C3AR1: variants seen among roughly 807,000 people sequenced by gnomAD.
The protein encoded by C3AR1 is complement C3a receptor 1.
For synonymous variants in C3AR1, 208 were observed against 225.3 expected (o/e 0.92, Z 0.69); for missense variants, 579 against 583.5 (o/e 0.99, Z 0.08).
At chr12:8,062,232 A>G (rs1051572972) in intron 1 of C3AR1, among the ~76,000 whole-genome samples, 1 of 152,260 alleles carries the variant, frequency 6.6e-6, no homozygotes, top group African/African-American at 2.4e-5. Context: ...GCATCAATGA[A>G]CATGGGTGTA....
chr12:8,065,877 T>C (rs1242272270), intron 1 of C3AR1, among the ~76,000 whole-genome samples: 1 of 151,420 alleles, frequency 6.6e-6, no homozygotes, highest in Non-Finnish European at 1.5e-5. Context: ...AATCAAATTG[T>C]AGTAATAGGA....
Position 8,059,874 on chromosome 12 carries a change from G to A in C3AR1, c.312C>T (p.Leu104=), listed in dbSNP as rs1205192177. Residue 104 remains leucine, a synonymous_variant, in exon 2 of 2, where the codon CTC becomes CTT. Coordinates refer to ENST00000307637, the MANE Select transcript of C3AR1 (RefSeq NM_004054.4). ...GCAGGAAGACACTGGCAAACATGTTGAGGACAATGATGGAGGGGATGAGCT... is the reference window on the plus strand; with the variant it reads ...GCAGGAAGACACTGGCAAACATGTTAAGGACAATGATGGAGGGGATGAGCT... ...LCKLIPSIIV[L]NMFASVFLLT... 3.7e-6 allele frequency: 6 copies of A among 1,614,064 alleles called. No homozygotes were observed. The African/African-American group carries it at 6.7e-5, about 18-fold the overall frequency.
intron 1 of C3AR1, 33 bp downstream of exon 1, chr12:8,066,245 C>A (rs1395981577): frequency 6.6e-6 from 1 of 152,116 alleles, no homozygotes; most frequent in African/African-American, 2.4e-5. Flanking sequence ...ACAGGCTAAG[C>A]ACAAGTCATC....
chr12:8,063,326 A>G (rs759061068), intron 1 of C3AR1, among the ~76,000 whole-genome samples: 30 of 152,190 alleles, frequency 2.0e-4, no homozygotes, highest in African/African-American at 7.2e-4. Context: ...ACTTCTAAAA[A>G]CCAAATCCAA....
rs1491186906 is a variant in C3AR1 at position 8,065,169 on chromosome 12, TTA to T, written c.-11+1107_-11+1108del. 4.1e-3 allele frequency among the ~76,000 whole-genome samples: 533 copies of T among 131,516 alleles called. 2 individuals are homozygous for T. Among genetic ancestry groups the T allele is most frequent in the African/African-American group, 0.014 (494 of 35,778 alleles). The allele number at this position is 131,516 out of a possible 152,430, so 86.3% of individuals were successfully genotyped here. A position where few individuals can be genotyped will look rare whatever the true frequency, so the allele number is the denominator to read the frequency against. ...CTACCAAAAAAAAAAAAAAATCACA[TTA>T]AAAAAAAAAAGATATATGGTATTGC... On this transcript the variant is annotated intron_variant, in intron 1 of 1. Transcript: ENST00000307637.
chr12:8,059,617 T>A lies in C3AR1; in HGVS notation c.569A>T (p.Asp190Val). Residue 190 changes from aspartate to valine, a missense_variant, in exon 2 of 2, where the codon GAT becomes GTT. Coordinates refer to ENST00000307637, the MANE Select transcript of C3AR1 (RefSeq NM_004054.4). ...SSLDYPDFYG[D>V]PLENRSLENI... ...TTCAAGAGACCTGTTTTCTAGTGGA[T>A]CTCCATAAAAGTCTGGATAATCTAA... 4 of 1,614,090 alleles carry A rather than the reference T, an allele frequency of 2.5e-6. No homozygotes were observed. Among genetic ancestry groups the A allele is most frequent in the Non-Finnish European group, 3.4e-6 (4 of 1,180,008 alleles).
chr12:8,064,207 T>C, intron 1 of C3AR1, among the ~76,000 whole-genome samples: 1 of 152,242 alleles, frequency 6.6e-6, no homozygotes, highest in East Asian at 1.9e-4. Flanking sequence ...TCTTCCTTAA[T>C]TCCCATGCTG....
rs1159535543 is a variant in C3AR1 at position 8,056,894 on chromosome 12, T to C, written c.*1843A>G. Among the ~76,000 whole-genome samples the C allele has an allele frequency of 6.6e-6, 1 of 152,242 alleles. No individual in the cohort carries two copies. The highest frequency in any genetic ancestry group is 1.5e-5 in the Non-Finnish European group (1 of 68,046). On this transcript the variant is annotated 3_prime_UTR_variant, in exon 2 of 2. Transcript: ENST00000307637. ...GACCCATGAGAAAAAAAGCATTTAT[T>C]CATATCAAATATATAAGCAAATTAA...
rs1165844398 is a variant in C3AR1 at position 8,056,887 on chromosome 12, CATTT to C, written c.*1846_*1849del. Among the ~76,000 whole-genome samples, 11 of 152,150 alleles carry C rather than the reference CATTT, an allele frequency of 7.2e-5. No homozygotes were observed. The highest frequency in any genetic ancestry group is 7.2e-4 in the Admixed American group (11 of 15,266). ...TCGCAAGGACCCATGAGAAAAAAAGCATTTATTCATATCAAATATATAAGCAAAT... is the reference window on the plus strand; with the variant it reads ...TCGCAAGGACCCATGAGAAAAAAAGCATTCATATCAAATATATAAGCAAAT... On this transcript the variant is annotated 3_prime_UTR_variant, in exon 2 of 2. Transcript: ENST00000307637.
At position 8,058,660 on chromosome 12, in the gene C3AR1, C is replaced by T. The variant is rs2230318; in HGVS notation, c.*77G>A. 0.013 allele frequency: 18,773 copies of T among 1,473,644 alleles called. 868 individuals are homozygous for T. Among genetic ancestry groups the T allele is most frequent in the African/African-American group, 0.1 (7,107 of 71,004 alleles). The allele number at this position is 1,473,644 out of a possible 1,614,324, so 91.3% of individuals were successfully genotyped here. On this transcript the variant is annotated 3_prime_UTR_variant, in exon 2 of 2. Coordinates refer to ENST00000307637, the MANE Select transcript of C3AR1 (RefSeq NM_004054.4). ...GACAGTTTTTGAAGTCCGCTGCTCACCATATCACTTCATCCTCTTATAAAC... is the reference window on the plus strand; with the variant it reads ...GACAGTTTTTGAAGTCCGCTGCTCATCATATCACTTCATCCTCTTATAAAC...
rs556397063 is a variant in C3AR1 at position 8,060,252 on chromosome 12, A to G, written c.-10-57T>C. The stretch of plus-strand genomic sequence containing the variant: ...ACAGTATCTTTTTGAAAATGCATAC[A>G]TATTCTTAGGATTCTAATCTTCCCA... On this transcript the variant is annotated intron_variant, in intron 1 of 1. Transcript: ENST00000307637. The G allele has an allele frequency of 7.3e-4, 955 of 1,316,014 alleles. 2 individuals carry two copies. Among genetic ancestry groups the G allele is most frequent in the Non-Finnish European group, 6.8e-4 (640 of 945,618 alleles). 81.5% of individuals were successfully genotyped at this position (1,316,014 alleles called of 1,614,324 possible).
rs766597117 is a variant in C3AR1, at chr12:8,060,071, G to T, written c.115C>A (p.Pro39Thr). ...ACCCACAGCACCAGCCCATTGCCTGGCAATCCCAGTAAAAAAGTAAGGCTG... is the reference window on the plus strand; with the variant it reads ...ACCCACAGCACCAGCCCATTGCCTGTCAATCCCAGTAAAAAAGTAAGGCTG... ...ILSLTFLLGL[P>T]GNGLVLWVAG... The change falls in exon 2 of 2, where the codon CCA (proline) becomes ACA (threonine). Residue 39 changes from proline to threonine, a missense_variant. Physicochemically the swap from Pro to Thr is conservative, Grantham distance 38 (BLOSUM62 -1). Transcript: ENST00000307637. 61 of 1,614,012 alleles carry T rather than the reference G, an allele frequency of 3.8e-5. 1 individual carries two copies. The South Asian group carries it at 4.8e-4, about 13-fold the overall frequency.
chr12:8,058,796 G>A lies in C3AR1; in HGVS notation c.1390C>T (p.Arg464Cys), dbSNP rs1486244130. The change falls in exon 2 of 2, where the codon CGT becomes TGT. Residue 464 changes from arginine to cysteine, a missense_variant. By Grantham distance (180) the Arg-to-Cys change is radical. Coordinates refer to ENST00000307637, the MANE Select transcript of C3AR1 (RefSeq NM_004054.4). The part of the protein sequence containing the change: ...LEAAFSEELT[R>C]STHCPSNNVI... Reference sequence around the variant, plus strand: ...TTGTTTGAGGGACAGTGGGTGGAACGTGTGAGCTCCTCACTGAAGGCTGCC... The same window carrying A: ...TTGTTTGAGGGACAGTGGGTGGAACATGTGAGCTCCTCACTGAAGGCTGCC... 11 of 1,613,938 alleles carry A rather than the reference G, an allele frequency of 6.8e-6. No individual in the cohort carries two copies. The African/African-American group carries it at 1.1e-4, about 16-fold the overall frequency.
At position 8,060,058 on chromosome 12, in the gene C3AR1, A is replaced by G; in HGVS notation, c.128T>C (p.Leu43Pro). The G allele has an allele frequency of 1.9e-6, 3 of 1,614,228 alleles. No individual in the cohort carries two copies. The highest frequency in any genetic ancestry group is 1.7e-6 in the Non-Finnish European group (2 of 1,180,044). The change falls in exon 2 of 2, where the codon CTG becomes CCG. Residue 43 changes from leucine to proline, a missense_variant. Physicochemically the swap from Leu to Pro is moderately conservative, Grantham distance 98. Transcript: ENST00000307637. ...TFLLGLPGNG[L>P]VLWVAGLKMQ... is the part of the protein sequence containing the mutation. ...CTTCAGGCCAGCCACCCACAGCACC[A>G]GCCCATTGCCTGGCAATCCCAGTAA...
rs146795463 is a variant in C3AR1, at chr12:8,059,191, G to A, written c.995C>T (p.Pro332Leu). ...QFTDDDQVPT[P>L]LVAITITRLV... ...CCTAGTGATCGTTATTGCCACGAGG[G>A]GTGTTGGCACTTGATCGTCATCTGT... The change falls in exon 2 of 2, where the codon CCC becomes CTC. Residue 332 changes from proline to leucine, a missense_variant. Coordinates refer to ENST00000307637, the MANE Select transcript of C3AR1 (RefSeq NM_004054.4). 96 of 1,614,186 alleles carry A rather than the reference G, an allele frequency of 5.9e-5. No individual in the cohort carries two copies. In the African/African-American group the frequency reaches 1.2e-3, roughly 21 times the overall value.
In C3AR1 at chr12:8,057,590, T is replaced by C. The variant is rs757472944; in HGVS notation, c.*1147A>G. On this transcript the variant is annotated 3_prime_UTR_variant, in exon 2 of 2. Coordinates refer to ENST00000307637, the MANE Select transcript of C3AR1 (RefSeq NM_004054.4). The stretch of plus-strand genomic sequence containing the variant: ...GTAGGAGACCTCATATTTCATTATA[T>C]ACCTTATTAAATTATTTTAAAACTA... Among the ~76,000 whole-genome samples the C allele has an allele frequency of 6.6e-6, 1 of 152,334 alleles. No homozygotes were observed. Among genetic ancestry groups the C allele is most frequent in the East Asian group, 1.9e-4 (1 of 5,190 alleles).
In C3AR1 at chr12:8,059,783, T is replaced by C. The variant is rs762488984; in HGVS notation, c.403A>G (p.Asn135Asp). Residue 135 changes from asparagine (N) to aspartate (D), a missense_variant, in exon 2 of 2, where the codon AAT (asparagine) becomes GAT (aspartate). By Grantham distance (23) the Asn-to-Asp change is conservative. Transcript: ENST00000307637. ...FKPIWCQNHR[N>D]VGMACSICGC... ...CAGATAGAGCAGGCCATCCCTACAT[T>C]GCGATGATTCTGACACCAGATTGGC... is the stretch of plus-strand genomic sequence containing the variant. 1.2e-6 allele frequency: 2 copies of C among 1,613,870 alleles called. No individual in the cohort carries two copies. Among genetic ancestry groups the C allele is most frequent in the East Asian group, 2.2e-5 (1 of 44,862 alleles).
chr12:8,058,745 T>G lies in C3AR1; in HGVS notation c.1441A>C (p.Thr481Pro), dbSNP rs1489439966. 1.9e-6 allele frequency: 3 copies of G among 1,608,908 alleles called. No individual in the cohort carries two copies. Among genetic ancestry groups the G allele is most frequent in the Non-Finnish European group, 2.5e-6 (3 of 1,177,180 alleles). Residue 481 changes from threonine (T) to proline (P), a missense_variant, in exon 2 of 2, where the codon ACT becomes CCT. Physicochemically the swap from Thr to Pro is conservative, Grantham distance 38. Transcript: ENST00000307637. ...NNVISERNST[T>P]V ...TTGGCTGCTCCACATTTTCACACAG[T>G]TGTACTATTTCTTTCTGAAATGACA...
Position 8,059,117 on chromosome 12 carries a change from TG to T in C3AR1, c.1068del (p.Tyr356Ter). The T allele has an allele frequency of 3.7e-6, 6 of 1,614,196 alleles. No individual in the cohort carries two copies. Among genetic ancestry groups the T allele is most frequent in the Non-Finnish European group, 5.1e-6 (6 of 1,180,040 alleles). ...CTTTGCATTCGGAAGACAATGAAGCTGTAACAGGCTATCATGATAACAGAGG... is the reference window on the plus strand; with the variant it reads ...CTTTGCATTCGGAAGACAATGAAGCTTAACAGGCTATCATGATAACAGAGG... ...LLPSVIMIACYSFIVFRMQRG... is the reference protein window; with the variant it reads ...LLPSVIMIACXSFIVFRMQRG... On this transcript the variant is annotated frameshift_variant, in exon 2 of 2. Coordinates refer to ENST00000307637, the MANE Select transcript of C3AR1 (RefSeq NM_004054.4). LOFTEE classifies it low-confidence loss of function (END_TRUNC).
Sources: gnomAD v4.1 joint callset for allele counts (sites outside exome capture counted in the v4.1 genomes callset) on GRCh38, gnomAD v4.1.1 for gene constraint, MANE v1.5 for transcripts, NCBI Gene and HGNC (gene_info 2026-07-23, HGNC 2026-07-21) for gene names.